Variants in CADM2 observed in about 807,000 individuals in gnomAD.
CADM2 encodes immunoglobulin superfamily member 4D.
CADM2 carries 12 observed loss-of-function variants against 49.8 expected under a neutral mutation model. The observed-to-expected ratio is 0.24, with a 90% CI of 0.15 to 0.39. The LOEUF is 0.39. CADM2 is among the 10% of genes least tolerant of loss of function. The probability of loss-of-function intolerance (pLI) is 1.00; values close to 1 mark genes in which losing one functional copy is unlikely to be tolerated. For synonymous variants in CADM2, 214 were observed against 175.4 expected, an observed-to-expected ratio of 1.22 and a Z score of -1.74; for missense variants, 378 against 492.3, an observed-to-expected ratio of 0.77 and a Z score of 2.20.
intron 6 of CADM2, among the ~76,000 whole-genome samples, chr3:85,912,770 T>A (rs1462527225): frequency 6.6e-6 from 1 of 152,214 alleles, no homozygotes; most frequent in Non-Finnish European, 1.5e-5. Context: ...ACGAGGTTAA[T>A]ACTCCTATGT....
chr3:86,049,728 G>A (rs1217903700), intron 8 of CADM2, among the ~76,000 whole-genome samples: 1 of 152,092 alleles, frequency 6.6e-6, no homozygotes, highest in Non-Finnish European at 1.5e-5. Context: ...GTGAGGGTCG[G>A]TGCTACACAC....
At chr3:85,342,494 A>G (rs2029981630) in intron 1 of CADM2, among the ~76,000 whole-genome samples, 1 of 152,036 alleles carries the variant, frequency 6.6e-6, no homozygotes, top group Admixed American at 6.6e-5. Context: ...ATTAGAGACA[A>G]TGAAGACAGA....
chr3:85,735,831 A>G (rs971450331), intron 2 of CADM2, among the ~76,000 whole-genome samples: 9 of 152,158 alleles, frequency 5.9e-5, no homozygotes, highest in Non-Finnish European at 8.8e-5. Context: ...ACACAACAAA[A>G]TAACGACAGC....
At chr3:85,595,234 A>G (rs1278635915) in intron 1 of CADM2, among the ~76,000 whole-genome samples, 1 of 151,928 alleles carries the variant, frequency 6.6e-6, no homozygotes, top group East Asian at 1.9e-4. Flanking sequence ...CATCTATTAG[A>G]GTAGATGGGT....
At chr3:85,284,826 AT>A (rs1559758824) in intron 1 of CADM2, among the ~76,000 whole-genome samples, 1 of 151,974 alleles carries the variant, frequency 6.6e-6, no homozygotes, top group East Asian at 1.9e-4. Flanking sequence ...GTGGGTAGTC[AT>A]GTTTTGAATG....
intron 5 of CADM2, among the ~76,000 whole-genome samples, chr3:85,889,728 T>A (rs2108412412): frequency 6.6e-6 from 1 of 152,240 alleles, no homozygotes; most frequent in East Asian, 1.9e-4. Flanking sequence ...CATTGTAATT[T>A]GTATTTTCAG....
intron 8 of CADM2, among the ~76,000 whole-genome samples, chr3:85,983,299 T>A (rs1403159506): frequency 6.6e-6 from 1 of 151,720 alleles, no homozygotes; most frequent in Non-Finnish European, 1.5e-5. Flanking sequence ...AGGCAATTAG[T>A]ATCTTATTAC....
At chr3:85,595,938 T>A (rs2063228179) in intron 1 of CADM2, among the ~76,000 whole-genome samples, 1 of 151,916 alleles carries the variant, frequency 6.6e-6, no homozygotes, top group Non-Finnish European at 1.5e-5. Flanking sequence ...ATGTTGTGCA[T>A]TTTCTGTTAC....
intron 2 of CADM2, among the ~76,000 whole-genome samples, chr3:85,744,470 T>C (rs897656384): frequency 6.6e-6 from 1 of 151,992 alleles, no homozygotes; most frequent in Non-Finnish European, 1.5e-5. Flanking sequence ...ATATCTCATA[T>C]AACCCATAAA....
chr3:85,928,128 A>T (rs1022654409), intron 6 of CADM2, among the ~76,000 whole-genome samples: 2 of 151,616 alleles, frequency 1.3e-5, no homozygotes, highest in Non-Finnish European at 2.9e-5. Flanking sequence ...CCAAGTTCAT[A>T]AAACCTTTAA....
At chr3:85,163,101 T>C (rs754201625) in intron 1 of CADM2, among the ~76,000 whole-genome samples, 5 of 152,074 alleles carry the variant, frequency 3.3e-5, no homozygotes, top group Non-Finnish European at 5.9e-5. Flanking sequence ...CACAGTCATG[T>C]TATTACATGT....
intron 1 of CADM2, among the ~76,000 whole-genome samples, chr3:85,533,138 A>G (rs941437750): frequency 6.6e-6 from 1 of 152,186 alleles, no homozygotes; most frequent in East Asian, 1.9e-4. Context: ...CTGTACATCT[A>G]TCCCTAAACT....
At chr3:85,062,728 C>T (rs1576142786) in intron 1 of CADM2, among the ~76,000 whole-genome samples, 1 of 151,722 alleles carries the variant, frequency 6.6e-6, no homozygotes, top group South Asian at 2.1e-4. Context: ...ATATTCAGAA[C>T]TTTAAATGTA....
intron 1 of CADM2, among the ~76,000 whole-genome samples, chr3:85,528,369 T>C (rs2061219163): frequency 6.6e-6 from 1 of 152,182 alleles, no homozygotes. Context: ...CTTACTGTTT[T>C]CTCTTTATAG....
intron 1 of CADM2, among the ~76,000 whole-genome samples, chr3:85,493,315 TGTTCAG>T: frequency 6.6e-6 from 1 of 152,264 alleles, no homozygotes; most frequent in East Asian, 1.9e-4. Context: ...TTCCCCAATG[TGTTCAG>T]GTTTCTTTTA....
chr3:86,056,921 G>A (rs1160967334), intron 8 of CADM2, among the ~76,000 whole-genome samples: 1 of 152,160 alleles, frequency 6.6e-6, no homozygotes, highest in East Asian at 1.9e-4. Flanking sequence ...GAAAGATTAA[G>A]TTTTGTGTTT....
intron 1 of CADM2, among the ~76,000 whole-genome samples, chr3:85,294,812 C>T (rs1040614646): frequency 5.3e-5 from 8 of 152,098 alleles, no homozygotes; most frequent in Non-Finnish European, 7.4e-5. Context: ...AAGACTTAAA[C>T]GTTAGACCTA....
chr3:85,016,903 T>G (rs1464246148), intron 1 of CADM2, among the ~76,000 whole-genome samples: 2 of 152,036 alleles, frequency 1.3e-5, no homozygotes, highest in African/African-American at 4.8e-5. Flanking sequence ...GGAATGGAAG[T>G]AAATATAACA....
chr3:85,924,096 A>G (rs1719509156), intron 6 of CADM2, among the ~76,000 whole-genome samples: 1 of 152,212 alleles, frequency 6.6e-6, no homozygotes, highest in South Asian at 2.1e-4. Context: ...TGTATCTTAG[A>G]TTTATAAGAT....
Sources: allele counts gnomAD v4.1 joint callset (sites outside exome capture counted in the v4.1 genomes callset), GRCh38; gene constraint gnomAD v4.1.1; transcripts MANE v1.5; gene names NCBI Gene and HGNC (gene_info 2026-07-23, HGNC 2026-07-21).